Variants in WDR86 observed in about 807,000 individuals in gnomAD.
The protein encoded by WDR86 is WD repeat domain 86, also known as WD repeat-containing protein 86.
In WDR86, 30 loss-of-function variants were observed where a neutral mutation model predicts 36.5. The observed-to-expected ratio is 0.82, with a 90% CI of 0.61 to 1.11. WDR86 has a LOEUF of 1.11. WDR86 is among the 50% of genes most tolerant of loss of function. The pLI is 0.00. For missense variants in WDR86, 545 were observed against 561.2 expected, an observed-to-expected ratio of 0.97 and a Z score of 0.29; for synonymous variants, 255 against 252.9, an observed-to-expected ratio of 1.01 and a Z score of -0.08.
downstream of WDR86, among the ~76,000 whole-genome samples, chr7:151,379,539 G>C (rs938874729): frequency 1.1e-4 from 17 of 152,136 alleles, no homozygotes; most frequent in Non-Finnish European, 2.1e-4. Context: ...TGGGTTCAGG[G>C]GATCAGACTC....
At chr7:151,389,759 C>T (rs574870107) in intron 3 of WDR86, among the ~76,000 whole-genome samples, 7 of 152,336 alleles carry the variant, frequency 4.6e-5, no homozygotes, top group African/African-American at 1.4e-4. Context: ...GCATGAGGCC[C>T]TCTCTCATTT....
intron 2 of WDR86, 41 bp downstream of exon 2, chr7:151,400,059 A>G (rs568732491): frequency 2.7e-6 from 4 of 1,499,644 alleles, no homozygotes; most frequent in Non-Finnish European, 3.6e-6. Flanking sequence ...CCAGAAGCCT[A>G]TGTATGGTGA....
chr7:151,374,967 G>T (rs1456886344), downstream of WDR86, among the ~76,000 whole-genome samples: 1 of 151,786 alleles, frequency 6.6e-6, no homozygotes, highest in Non-Finnish European at 1.5e-5. Flanking sequence ...GCAGCGCGGC[G>T]GGCAGGAAGC....
intron 2 of WDR86, among the ~76,000 whole-genome samples, chr7:151,397,342 A>G (rs1799897024): frequency 6.6e-6 from 1 of 152,180 alleles, no homozygotes; most frequent in Admixed American, 6.5e-5. Context: ...TCAACGACAC[A>G]TGACTCCACT....
downstream of WDR86, chr7:151,377,423 T>C: frequency 2.2e-6 from 1 of 449,274 alleles, no homozygotes; most frequent in Non-Finnish European, 3.9e-6. Flanking sequence ...TCCTCTGGCC[T>C]GGCGCAGGCC....
At chr7:151,398,366 G>A (rs1192600403) in intron 2 of WDR86, among the ~76,000 whole-genome samples, 1 of 152,032 alleles carries the variant, frequency 6.6e-6, no homozygotes, top group Non-Finnish European at 1.5e-5. Flanking sequence ...TTGTGTATGT[G>A]TGCACATGTG....
chr7:151,392,525 C>G (rs527854093), intron 3 of WDR86, among the ~76,000 whole-genome samples: 120 of 152,308 alleles, frequency 7.9e-4, no homozygotes, highest in African/African-American at 2.8e-3. Flanking sequence ...TGGGCCTTGC[C>G]CATGCCTCCT....
At chr7:151,377,248 AT>A (rs1206210266), downstream of WDR86, 1 of 1,410,188 alleles carries the variant, frequency 7.1e-7, no homozygotes, top group Admixed American at 2.6e-5. Context: ...AATAGCGCTA[AT>A]TTTCTGCTTA....
chr7:151,385,342 C>A, intron 3 of WDR86, 119 bp from the exon 4 acceptor site: 1 of 1,490,252 alleles, frequency 6.7e-7, no homozygotes, highest in Admixed American at 2.1e-5. Flanking sequence ...ATGGGTGAGC[C>A]TCGAATGGCC....
At chr7:151,396,327 C>T (rs1024804027) in intron 2 of WDR86, 131 bp from the exon 3 acceptor site, 11 of 1,080,902 alleles carry the variant, frequency 1.0e-5, no homozygotes, top group East Asian at 5.0e-5. Flanking sequence ...TTGCCACACT[C>T]GTCTTCCAAG....
intron 2 of WDR86, among the ~76,000 whole-genome samples, chr7:151,398,270 TTGTG>T (rs755962457): frequency 1.2e-4 from 18 of 152,128 alleles, no homozygotes; most frequent in Non-Finnish European, 2.4e-4. Flanking sequence ...TGTGTGTAAG[TTGTG>T]TGTATGGGTG....
intron 3 of WDR86, among the ~76,000 whole-genome samples, chr7:151,391,216 C>T (rs941555447): frequency 6.6e-6 from 1 of 152,342 alleles, no homozygotes; most frequent in Non-Finnish European, 1.5e-5. Context: ...CCTGCGGGGG[C>T]GGGGCCCAGC....
At chr7:151,380,028 C>T (rs764087989), downstream of WDR86, among the ~76,000 whole-genome samples, 2 of 152,240 alleles carry the variant, frequency 1.3e-5, no homozygotes, top group Non-Finnish European at 2.9e-5. Context: ...GCCACAGGCC[C>T]CAATGGCTCC....
downstream of WDR86, chr7:151,376,911 G>A (rs1404446295): frequency 1.4e-5 from 20 of 1,433,624 alleles, no homozygotes; most frequent in Admixed American, 7.3e-5. Context: ...CTGAGGGGGC[G>A]TCCCCTGACG....
intron 4 of WDR86, among the ~76,000 whole-genome samples, chr7:151,383,134 C>T (rs1798720125): frequency 6.8e-6 from 1 of 146,720 alleles, no homozygotes; most frequent in African/African-American, 2.5e-5. Flanking sequence ...CACAGGCATG[C>T]ACCACTACAC....
At chr7:151,378,888 C>T (rs945024120), downstream of WDR86, among the ~76,000 whole-genome samples, 6 of 152,210 alleles carry the variant, frequency 3.9e-5, no homozygotes, top group Non-Finnish European at 7.3e-5. Flanking sequence ...AAAACTCTTC[C>T]GTGTCTTGTG....
intron 2 of WDR86, among the ~76,000 whole-genome samples, chr7:151,398,478 G>GTA (rs1800045190): frequency 1.2e-5 from 1 of 81,740 alleles, no homozygotes; most frequent in East Asian, 5.1e-4. Context: ...TATGTGTAAG[G>GTA]TGTGTATGTG....
At position 151,405,827 on chromosome 7, in the gene WDR86, C is replaced by T. The variant is rs766116154; in HGVS notation, c.163+3600G>A. On this transcript the variant is annotated intron_variant, in intron 1 of 5. Coordinates refer to ENST00000334493, the MANE Select transcript of WDR86 (RefSeq NM_198285.3). The surrounding 1 kb of genome is among the most constrained non-coding windows in gnomAD (Gnocchi z 4.7). ...CAGCAAATGGGAATGTGGGGTTGTA[C>T]CCAGGAAATTAACAACAATCCCCGC... Among the ~76,000 whole-genome samples, 5 of 152,134 alleles carry T rather than the reference C, an allele frequency of 3.3e-5. No homozygotes were observed. Among genetic ancestry groups the T allele is most frequent in the Non-Finnish European group, 7.4e-5 (5 of 68,020 alleles).
chr7:151,381,445 ACGGGCTCTCCTCCCGCC>A lies in WDR86; in HGVS notation c.*120_*136del. On this transcript the variant is annotated 3_prime_UTR_variant, in exon 6 of 6. Coordinates refer to ENST00000334493, the MANE Select transcript of WDR86 (RefSeq NM_198285.3). The surrounding 1 kb of genome is among the most constrained non-coding windows in gnomAD (Gnocchi z 4.8). Reference sequence around the variant, plus strand: ...ACCAAAGAAAAACCAGACGCCTGCGACGGGCTCTCCTCCCGCCCGGGCTTCCTCGCTCCTCGCCCCTC... The same window carrying A: ...ACCAAAGAAAAACCAGACGCCTGCGACGGGCTTCCTCGCTCCTCGCCCCTC... The A allele has an allele frequency of 1.3e-6, 2 of 1,492,158 alleles. No homozygotes were observed. Among genetic ancestry groups the A allele is most frequent in the Non-Finnish European group, 8.9e-7 (1 of 1,128,758 alleles). The allele number at this position is 1,492,158 out of a possible 1,614,324, so 92.4% of individuals were successfully genotyped here.
Sources: gnomAD v4.1 joint callset for allele counts (sites outside exome capture counted in the v4.1 genomes callset) on GRCh38, gnomAD v4.1.1 for gene constraint, Gnocchi (gnomAD v3.1) non-coding constraint, MANE v1.5 for transcripts, NCBI Gene and HGNC (gene_info 2026-07-23, HGNC 2026-07-21) for gene names.